The following NLGN1 variants were observed in gnomAD, a reference collection of about 807,000 sequenced individuals.
NLGN1 encodes neuroligin 1, also known as neuroligin-1.
A neutral mutation model predicts 65.5 loss-of-function variants in NLGN1; 12 were observed. The ratio of observed to expected loss-of-function variants is 0.18; its 90% confidence interval spans 0.12 to 0.30. The LOEUF (loss-of-function observed/expected upper bound fraction) is 0.30. Among genes scored for constraint, NLGN1 ranks in the 10% least tolerant of loss-of-function variants. The pLI is 1.00. For missense variants in NLGN1, 750 were observed against 1,007.1 expected (o/e 0.74, Z 3.46); for synonymous variants, 350 against 359.5 (o/e 0.97, Z 0.30).
chr3:173,514,992 C>T (rs1431702415), intron 2 of NLGN1, among the ~76,000 whole-genome samples: 1 of 152,060 alleles, frequency 6.6e-6, no homozygotes. Flanking sequence ...CTTAGAAACC[C>T]TAGTTTCAAT....
At chr3:173,539,657 G>GTACATATGCACATATATAACATATA (rs1362050556) in intron 2 of NLGN1, among the ~76,000 whole-genome samples, 12 of 124,274 alleles carry the variant, frequency 9.7e-5, no homozygotes, top group African/African-American at 3.3e-4. Flanking sequence ...TATAACATAT[G>GTACATATGCACATATATAACATATA]TGTATATATG....
At chr3:173,609,945 A>G (rs1374043554) in intron 3 of NLGN1, among the ~76,000 whole-genome samples, 1 of 151,940 alleles carries the variant, frequency 6.6e-6, no homozygotes, top group Non-Finnish European at 1.5e-5. Context: ...ATATTTAAGG[A>G]ACAATTAGGA....
At chr3:174,206,566 C>T (rs1165008380) in intron 4 of NLGN1, among the ~76,000 whole-genome samples, 1 of 152,196 alleles carries the variant, frequency 6.6e-6, no homozygotes, top group Non-Finnish European at 1.5e-5. Flanking sequence ...GCCCCCACTG[C>T]TGTTCATTTT....
At chr3:174,057,291 C>T (rs1339262671) in intron 4 of NLGN1, among the ~76,000 whole-genome samples, 4 of 151,896 alleles carry the variant, frequency 2.6e-5, no homozygotes, top group African/African-American at 9.7e-5. Context: ...TTCTTGATAA[C>T]TAGATGTGTG....
chr3:174,034,727 T>C (rs1021850755), intron 4 of NLGN1, among the ~76,000 whole-genome samples: 4 of 152,070 alleles, frequency 2.6e-5, no homozygotes, highest in Non-Finnish European at 4.4e-5. Context: ...TCAGATAAAA[T>C]GCTTGTTTAA....
chr3:173,499,363 G>T (rs959359098), intron 2 of NLGN1, among the ~76,000 whole-genome samples: 3 of 151,746 alleles, frequency 2.0e-5, no homozygotes, highest in Non-Finnish European at 4.4e-5. Context: ...TCAGATAGTT[G>T]TAGATGTGTG....
intron 3 of NLGN1, among the ~76,000 whole-genome samples, chr3:173,746,741 G>T (rs372872184): frequency 1.3e-5 from 2 of 151,970 alleles, no homozygotes; most frequent in East Asian, 1.9e-4. Context: ...CCATGAAACA[G>T]GAATCATCTT....
intron 3 of NLGN1, among the ~76,000 whole-genome samples, chr3:173,759,602 G>A (rs114757378): frequency 0.01 from 1,537 of 151,972 alleles, 30 homozygotes; most frequent in African/African-American, 0.035. Context: ...TATTGGCCAC[G>A]TAGCCATCTA....
intron 3 of NLGN1, among the ~76,000 whole-genome samples, chr3:173,651,584 G>A (rs140902626): frequency 2.0e-5 from 3 of 152,126 alleles, no homozygotes; most frequent in Non-Finnish European, 4.4e-5. Context: ...CCGTAGCAGT[G>A]TATATGTATT....
intron 3 of NLGN1, among the ~76,000 whole-genome samples, chr3:173,769,254 G>A (rs901884): frequency 0.8 from 122,058 of 152,094 alleles, 49,681 homozygotes; most frequent in Non-Finnish European, 0.84. Context: ...AAATTTTTCA[G>A]TGGTTCACTG....
At position 173,685,938 on chromosome 3, in the gene NLGN1, C is replaced by T. The variant is rs79165638; in HGVS notation, c.493+80847C>T. On this transcript the variant is annotated intron_variant, in intron 3 of 6. Coordinates refer to ENST00000457714, the Ensembl canonical transcript of NLGN1. ...AACCTGAATTTATGATGTGGGAGTACGTGGACTATATCAAGCTACAAGAAG... is the reference window on the plus strand; with the variant it reads ...AACCTGAATTTATGATGTGGGAGTATGTGGACTATATCAAGCTACAAGAAG... The T allele has an allele frequency of 2.2e-5, 9 of 411,920 alleles. No individual in the cohort carries two copies. The East Asian group carries it at 7.9e-4, about 36-fold the overall frequency. The allele number at this position is 411,920 out of a possible 1,614,324, so 25.5% of individuals were successfully genotyped here.
intron 4 of NLGN1, among the ~76,000 whole-genome samples, chr3:174,186,898 T>C (rs1354909897): frequency 6.6e-6 from 1 of 152,060 alleles, no homozygotes; most frequent in Non-Finnish European, 1.5e-5. Context: ...CTAAGTACAA[T>C]TATCCCTCCA....
intron 4 of NLGN1, among the ~76,000 whole-genome samples, chr3:173,985,304 A>C (rs1046848861): frequency 6.6e-6 from 1 of 152,144 alleles, no homozygotes; most frequent in South Asian, 2.1e-4. Flanking sequence ...GCTTGGAGTC[A>C]TTCTGTGTGA....
At chr3:173,678,284 C>A (rs146808304) in intron 3 of NLGN1, among the ~76,000 whole-genome samples, 49 of 152,136 alleles carry the variant, frequency 3.2e-4, no homozygotes, top group African/African-American at 1.1e-3. Flanking sequence ...TGGCATGGTT[C>A]CTGCTTTTAA....
intron 3 of NLGN1, among the ~76,000 whole-genome samples, chr3:173,748,305 T>G (rs1241251573): frequency 1.3e-5 from 2 of 152,060 alleles, no homozygotes; most frequent in African/African-American, 4.8e-5. Flanking sequence ...ACTTCCTTGT[T>G]TGTACAGGCA....
intron 3 of NLGN1, among the ~76,000 whole-genome samples, chr3:173,643,483 C>T (rs1204593734): frequency 6.6e-6 from 1 of 152,092 alleles, no homozygotes; most frequent in Non-Finnish European, 1.5e-5. Flanking sequence ...GAATTTTAAT[C>T]AGAAACAATG....
intron 4 of NLGN1, among the ~76,000 whole-genome samples, chr3:174,042,716 T>A (rs1049138632): frequency 9.9e-5 from 15 of 152,214 alleles, no homozygotes; most frequent in Non-Finnish European, 1.9e-4. Flanking sequence ...ATAAACTTTT[T>A]TAAAAATAAA....
At chr3:173,880,292 T>C (rs1416041681) in intron 4 of NLGN1, among the ~76,000 whole-genome samples, 1 of 152,046 alleles carries the variant, frequency 6.6e-6, no homozygotes, top group Admixed American at 6.5e-5. Flanking sequence ...CTAGACTTGA[T>C]CTTAACCAAA....
intron 2 of NLGN1, among the ~76,000 whole-genome samples, chr3:173,579,726 CT>C (rs1746085883): frequency 6.6e-6 from 1 of 152,166 alleles, no homozygotes; most frequent in African/African-American, 2.4e-5. Context: ...AAACAGTCAC[CT>C]TTGCAGTAGT....
Sources: allele counts gnomAD v4.1 joint callset (sites outside exome capture counted in the v4.1 genomes callset), GRCh38; gene constraint gnomAD v4.1.1; transcripts MANE v1.5; gene names NCBI Gene and HGNC (gene_info 2026-07-23, HGNC 2026-07-21).